Variants in DMXL2 observed in about 807,000 individuals in gnomAD.
The protein encoded by DMXL2 is dmX-like protein 2.
In DMXL2, 103 loss-of-function variants were observed where a neutral mutation model predicts 331.1. The observed-to-expected ratio is 0.31, with a 90% CI of 0.27 to 0.37. The LOEUF (loss-of-function observed/expected upper bound fraction) is 0.37. Ranked by LOEUF, DMXL2 falls within the 10% of genes least tolerant of loss-of-function variation. The pLI is 1.00. For synonymous variants in DMXL2, 1,281 were observed against 1,252.1 expected, an observed-to-expected ratio of 1.02 and a Z score of -0.49; for missense variants, 3,171 against 3,642.9, an observed-to-expected ratio of 0.87 and a Z score of 3.33.
chr15:51,598,160 C>T (rs1266141117), intron 1 of DMXL2, among the ~76,000 whole-genome samples: 1 of 152,094 alleles, frequency 6.6e-6, no homozygotes, highest in African/African-American at 2.4e-5. Flanking sequence ...ACAGTACTTC[C>T]TTTACTTTTA....
At chr15:51,569,963 G>T (rs951341141) in intron 2 of DMXL2, among the ~76,000 whole-genome samples, 3 of 152,054 alleles carry the variant, frequency 2.0e-5, no homozygotes, top group Non-Finnish European at 1.5e-5. Context: ...ACAGAAGTAG[G>T]CTTCAGAAGG....
intron 6 of DMXL2, among the ~76,000 whole-genome samples, chr15:51,556,366 A>G (rs900040999): frequency 4.0e-5 from 6 of 151,366 alleles, no homozygotes. Flanking sequence ...AAAAAAAAAA[A>G]AAAAAAGATC....
At chr15:51,535,162 A>G (rs2048217097) in intron 13 of DMXL2, among the ~76,000 whole-genome samples, 1 of 152,202 alleles carries the variant, frequency 6.6e-6, no homozygotes, top group Non-Finnish European at 1.5e-5. Context: ...TGGAAAATCT[A>G]CTGTTCAACT....
At chr15:51,620,953 GAAAA>G (rs1423929148) in intron 1 of DMXL2, among the ~76,000 whole-genome samples, 1 of 152,204 alleles carries the variant, frequency 6.6e-6, no homozygotes, top group Admixed American at 6.5e-5. Flanking sequence ...GATGGAAGCA[GAAAA>G]CTACCACCAC....
chr15:51,557,201 G>C (rs557233823), intron 6 of DMXL2, among the ~76,000 whole-genome samples: 194 of 152,176 alleles, frequency 1.3e-3, no homozygotes, highest in African/African-American at 4.4e-3. Flanking sequence ...AGGGTGCTGG[G>C]CATAAAGCCA....
At position 51,536,357 on chromosome 15, in the gene DMXL2, C is replaced by G; in HGVS notation, c.2123G>C (p.Arg708Thr). 1 of 1,613,764 alleles carries G rather than the reference C, an allele frequency of 6.2e-7. No homozygotes were observed. The highest frequency in any genetic ancestry group is 8.5e-7 in the Non-Finnish European group (1 of 1,179,862). ...HIKGSSKQPL[R>T]NAATRTFHDP... ...ATGAAATGTACGAGTTGCTGCATTTCTAAGAGGTTGTTTCGAGGAACCTTT... is the reference window on the plus strand; with the variant it reads ...ATGAAATGTACGAGTTGCTGCATTTGTAAGAGGTTGTTTCGAGGAACCTTT... Residue 708 changes from arginine to threonine, a missense_variant, in exon 12 of 44, where the codon AGA (arginine) becomes ACA (threonine). By Grantham distance (71) the Arg-to-Thr change is moderately conservative (BLOSUM62 -1). Around this residue, in one of 7 missense-constraint regions of DMXL2, gnomAD observed 1,674 missense variants for 1,780.2 expected, o/e 0.94. Coordinates refer to ENST00000560891, the MANE Select transcript of DMXL2 (RefSeq NM_001378457.1).
intron 3 of DMXL2, among the ~76,000 whole-genome samples, chr15:51,566,148 A>G (rs566090328): frequency 9.9e-5 from 15 of 152,164 alleles, no homozygotes; most frequent in African/African-American, 3.1e-4. Flanking sequence ...GTTTGAGGTT[A>G]TAGTGAGCTA....
At chr15:51,501,135 A>G (rs1014258878) in intron 17 of DMXL2, among the ~76,000 whole-genome samples, 3 of 152,236 alleles carry the variant, frequency 2.0e-5, no homozygotes, top group African/African-American at 7.2e-5. Context: ...AAACTGGCCT[A>G]GATCTGCACC....
chr15:51,572,746 T>C (rs973824276), intron 2 of DMXL2, among the ~76,000 whole-genome samples: 3 of 152,168 alleles, frequency 2.0e-5, no homozygotes, highest in Admixed American at 6.5e-5. Flanking sequence ...CCCTTCATGC[T>C]AAAAACTCTC....
intron 2 of DMXL2, among the ~76,000 whole-genome samples, chr15:51,574,247 A>C (rs2050865237): frequency 6.6e-6 from 1 of 152,140 alleles, no homozygotes; most frequent in Non-Finnish European, 1.5e-5. Context: ...AAAGACATAA[A>C]TCCCTCTGTT....
chr15:51,607,407 GACCGC>G (rs1195174303), intron 1 of DMXL2, among the ~76,000 whole-genome samples: 1 of 152,034 alleles, frequency 6.6e-6, no homozygotes, highest in East Asian at 1.9e-4. Flanking sequence ...AGTGAGCCGA[GACCGC>G]ACCATTGCAC....
chr15:51,585,040 G>A (rs2051696840), intron 1 of DMXL2, among the ~76,000 whole-genome samples: 5 of 7,360 alleles, frequency 6.8e-4, no homozygotes, highest in Admixed American at 5.7e-3. Flanking sequence ...TGAGACGATG[G>A]GGTTTTCTAG....
At chr15:51,451,775 G>C (rs536215218) in intron 41 of DMXL2, 78 bp from the exon 42 acceptor site, 12 of 1,299,066 alleles carry the variant, frequency 9.2e-6, no homozygotes, top group Admixed American at 1.8e-5. Flanking sequence ...CTGTCTTTCA[G>C]TCAAATATTT....
chr15:51,484,144 C>A (rs1263788525), intron 23 of DMXL2, among the ~76,000 whole-genome samples: 1 of 151,978 alleles, frequency 6.6e-6, no homozygotes, highest in Non-Finnish European at 1.5e-5. Context: ...TGAGAAATAG[C>A]CTTATCCCCA....
intron 1 of DMXL2, among the ~76,000 whole-genome samples, chr15:51,619,484 A>C (rs1384882257): frequency 6.6e-6 from 1 of 152,242 alleles, no homozygotes; most frequent in Non-Finnish European, 1.5e-5. Context: ...GAGATTGTCC[A>C]CTACAGACTG....
At chr15:51,521,107 C>T (rs1026377320) in intron 13 of DMXL2, among the ~76,000 whole-genome samples, 3 of 152,044 alleles carry the variant, frequency 2.0e-5, no homozygotes, top group Non-Finnish European at 4.4e-5. Flanking sequence ...AAGAATGACA[C>T]TAATATGTAC....
intron 29 of DMXL2, among the ~76,000 whole-genome samples, chr15:51,466,793 CCCTGTGAATTTCTCTT>C (rs1437551614): frequency 6.6e-6 from 1 of 151,826 alleles, no homozygotes; most frequent in African/African-American, 2.4e-5. Flanking sequence ...ATAAAAATCT[CCCTGTGAATTTCTCTT>C]CCTGTTTTGG....
intron 17 of DMXL2, among the ~76,000 whole-genome samples, 190 bp downstream of exon 17, chr15:51,502,616 C>A (rs1401463814): frequency 1.3e-5 from 2 of 152,128 alleles, no homozygotes; most frequent in East Asian, 3.8e-4. Flanking sequence ...AGCCACCGCA[C>A]CCAGCCAGGA....
At chr15:51,478,159 G>C (rs1423497350) in intron 26 of DMXL2, 112 bp downstream of exon 26, 1 of 708,584 alleles carries the variant, frequency 1.4e-6, no homozygotes, top group African/African-American at 1.8e-5. Flanking sequence ...AAAATATCAT[G>C]GCTGTCATAT....
Sources: gnomAD v4.1 joint callset for allele counts (sites outside exome capture counted in the v4.1 genomes callset) on GRCh38, gnomAD v4.1.1 for gene constraint, gnomAD v4.1.1 regional missense constraint, MANE v1.5 for transcripts, NCBI Gene and HGNC (gene_info 2026-07-23, HGNC 2026-07-21) for gene names.